ZNF83: variants seen among roughly 807,000 people sequenced by gnomAD.
The protein encoded by ZNF83 is zinc finger protein 816B.
For missense variants in ZNF83, 552 were observed against 629.9 expected, an observed-to-expected ratio of 0.88 and a Z score of 1.32; for synonymous variants, 209 against 213.0, an observed-to-expected ratio of 0.98 and a Z score of 0.17.
intron 1 of ZNF83, among the ~76,000 whole-genome samples, chr19:52,686,740 G>A (rs2062023485): frequency 1.3e-5 from 2 of 152,076 alleles, no homozygotes; most frequent in East Asian, 3.9e-4. Context: ...GCCTGGCTAA[G>A]TTTTGTATTT....
exon 2 of ZNF83, chr19:52,635,114 G>T: frequency 2.9e-6 from 2 of 686,608 alleles, no homozygotes; most frequent in South Asian, 1.7e-5. Context: ...TCCCCTTCCG[G>T]GTTTCTTCCT....
intron 2 of ZNF83, among the ~76,000 whole-genome samples, chr19:52,620,360 G>A (rs1355485767): frequency 2.1e-4 from 32 of 151,510 alleles, no homozygotes; most frequent in Admixed American, 2.1e-3. Context: ...GCAGTTGAGG[G>A]CAGGGGAGAA....
At chr19:52,631,956 A>C (rs937077286) in intron 2 of ZNF83, among the ~76,000 whole-genome samples, 2 of 142,614 alleles carry the variant, frequency 1.4e-5, no homozygotes, top group Non-Finnish European at 3.0e-5. Context: ...TTCCCTACAC[A>C]TCAAGCTCGA....
intron 3 of ZNF83, among the ~76,000 whole-genome samples, chr19:52,646,719 T>C (rs1227109032): frequency 1.3e-5 from 2 of 152,174 alleles, no homozygotes; most frequent in Non-Finnish European, 2.9e-5. Flanking sequence ...CCCCCCCAAC[T>C]ACACATGGTT....
Position 52,614,569 on chromosome 19 carries a change from C to T in ZNF83, c.-5G>A. On this transcript the variant is annotated 5_prime_UTR_variant, in exon 3 of 3. Coordinates refer to ENST00000301096, the Ensembl canonical transcript of ZNF83. Reference sequence around the variant, plus strand: ...ATCATCCTTTCTCCCATGCATGTCTCTTCTACCAATGAGACTTTCCTTATA... The same window carrying T: ...ATCATCCTTTCTCCCATGCATGTCTTTTCTACCAATGAGACTTTCCTTATA... 3.8e-6 allele frequency: 6 copies of T among 1,574,202 alleles called. No individual in the cohort carries two copies. In the South Asian group the frequency reaches 5.9e-5, roughly 15 times the overall value.
intron 3 of ZNF83, chr19:52,651,447 T>C (rs1287032918): frequency 1.3e-5 from 2 of 152,034 alleles, no homozygotes; most frequent in East Asian, 3.9e-4. Flanking sequence ...TGCTCCAGTA[T>C]GTGGATGATA....
At chr19:52,649,250 T>C (rs1264968776) in intron 3 of ZNF83, among the ~76,000 whole-genome samples, 1 of 152,190 alleles carries the variant, frequency 6.6e-6, no homozygotes, top group Admixed American at 6.5e-5. Context: ...CGTGAGTTTG[T>C]GCAGTTGTCA....
chr19:52,633,150 A>G (rs1279588591), intron 2 of ZNF83, among the ~76,000 whole-genome samples: 1 of 152,148 alleles, frequency 6.6e-6, no homozygotes, highest in African/African-American at 2.4e-5. Context: ...GTCTTGTGAA[A>G]TTCCTTCTCC....
intron 1 of ZNF83, among the ~76,000 whole-genome samples, chr19:52,690,270 A>G (rs2062132275): frequency 1.3e-5 from 2 of 152,044 alleles, no homozygotes; most frequent in Non-Finnish European, 2.9e-5. Flanking sequence ...GACCAACCTC[A>G]GGGCGACTTT....
intron 1 of ZNF83, among the ~76,000 whole-genome samples, chr19:52,679,191 C>A (rs2061867596): frequency 6.6e-6 from 1 of 152,138 alleles, no homozygotes; most frequent in African/African-American, 2.4e-5. Flanking sequence ...AGGCTGTGAG[C>A]CCAAATGACA....
chr19:52,649,777 G>T (rs1465901624), intron 3 of ZNF83, among the ~76,000 whole-genome samples: 2 of 152,114 alleles, frequency 1.3e-5, no homozygotes, highest in Non-Finnish European at 1.5e-5. Flanking sequence ...TAGCCATTTA[G>T]CAAGCCATTG....
chr19:52,687,621 TATATATATA>T (rs1454573879), intron 1 of ZNF83, among the ~76,000 whole-genome samples: 3 of 18,148 alleles, frequency 1.7e-4, no homozygotes, highest in African/African-American at 9.8e-4. Flanking sequence ...AATGTGTATA[TATATATATA>T]ATGTATATAT....
chr19:52,612,983 G>A (rs1045985127), exon 3 of ZNF83: 1 of 1,517,488 alleles, frequency 6.6e-7, no homozygotes, highest in Non-Finnish European at 8.9e-7. Context: ...TGTCTTACAA[G>A]GCTTTAATGC....
At chr19:52,674,880 G>A (rs2061777552) in intron 1 of ZNF83, among the ~76,000 whole-genome samples, 1 of 152,170 alleles carries the variant, frequency 6.6e-6, no homozygotes, top group South Asian at 2.1e-4. Flanking sequence ...ATCAGTTTTT[G>A]TCAAAGAAAC....
At chr19:52,675,570 T>TA (rs1292963134) in intron 1 of ZNF83, among the ~76,000 whole-genome samples, 2 of 152,114 alleles carry the variant, frequency 1.3e-5, no homozygotes, top group Non-Finnish European at 2.9e-5. Context: ...GGTCTTGACT[T>TA]ACTCAGTGAG....
chr19:52,655,575 T>C, exon 3 of ZNF83: 2 of 1,500,854 alleles, frequency 1.3e-6, no homozygotes, highest in South Asian at 1.1e-5. Flanking sequence ...AGACTCCAGG[T>C]TCCTGTAGTT....
At chr19:52,660,445 C>T (rs2061564527) in intron 2 of ZNF83, among the ~76,000 whole-genome samples, 1 of 151,984 alleles carries the variant, frequency 6.6e-6, no homozygotes. Flanking sequence ...ATGGTGAAAT[C>T]CTGTCTCTAT....
At chr19:52,639,096 T>C (rs1385453057), upstream of ZNF83, among the ~76,000 whole-genome samples, 1 of 152,206 alleles carries the variant, frequency 6.6e-6, no homozygotes, top group Non-Finnish European at 1.5e-5. Context: ...GTAAGAGATC[T>C]ATCAGTTTCT....
At chr19:52,685,158 C>T (rs907987173) in intron 1 of ZNF83, among the ~76,000 whole-genome samples, 2 of 152,202 alleles carry the variant, frequency 1.3e-5, no homozygotes, top group Non-Finnish European at 1.5e-5. Context: ...CACACCCAGA[C>T]ACCCACTCTA....
Sources: gnomAD v4.1 joint callset for allele counts (sites outside exome capture counted in the v4.1 genomes callset) on GRCh38, gnomAD v4.1.1 for gene constraint, MANE v1.5 for transcripts, NCBI Gene and HGNC (gene_info 2026-07-23, HGNC 2026-07-21) for gene names.